FRMD4B: variants seen among roughly 807,000 people sequenced by gnomAD.
FRMD4B encodes FERM domain containing 4B, also known as FERM domain-containing protein 4B.
FRMD4B carries 74 observed loss-of-function variants against 141.5 expected under a neutral mutation model. That is an observed-to-expected ratio of 0.52 (90% CI 0.43 to 0.63). The LOEUF (loss-of-function observed/expected upper bound fraction) is 0.63. FRMD4B is among the 30% of genes least tolerant of loss of function. FRMD4B has a pLI of 0.00. For synonymous variants in FRMD4B, 506 were observed against 467.9 expected (o/e 1.08, Z -1.05); for missense variants, 1,366 against 1,253.4 (o/e 1.09, Z -1.36).
Position 69,249,239 on chromosome 3 carries a change from C to T in FRMD4B, c.568G>A (p.Gly190Arg). 6.3e-7 allele frequency: 1 copy of T among 1,575,562 alleles called. No individual in the cohort carries two copies. The highest frequency in any genetic ancestry group is 1.1e-5 in the South Asian group (1 of 88,392). ...GAAAAGCATTACCTGGTATAATCTC[C>T]CTTGGCTTCCTAAAAACAACAAACA... The part of the protein sequence containing the change: ...LAAFILQEAK[G>R]DYTSDENARK... The change falls in exon 7 of 23, where the codon GGA (glycine) becomes AGA (arginine). Residue 190 changes from glycine (G) to arginine (R), a missense_variant. Physicochemically the swap from Gly to Arg is moderately radical, Grantham distance 125 (BLOSUM62 -2). Transcript: ENST00000398540.
At chr3:69,231,507 C>T (rs903381738) in intron 7 of FRMD4B, among the ~76,000 whole-genome samples, 4 of 152,230 alleles carry the variant, frequency 2.6e-5, no homozygotes, top group South Asian at 2.1e-4. Flanking sequence ...AGGCTGTTCT[C>T]GAACTCGTGA....
intron 1 of FRMD4B, among the ~76,000 whole-genome samples, chr3:69,470,491 A>T (rs1411952473): frequency 3.3e-5 from 5 of 151,162 alleles, no homozygotes; most frequent in Non-Finnish European, 5.9e-5. Context: ...TCCAAAGAAC[A>T]AAGAGAAGTA....
intron 4 of FRMD4B, among the ~76,000 whole-genome samples, chr3:69,298,079 C>G (rs908503968): frequency 6.6e-6 from 1 of 152,314 alleles, no homozygotes; most frequent in Non-Finnish European, 1.5e-5. Flanking sequence ...CCCTTCAAAT[C>G]TGTAGGACCT....
intron 4 of FRMD4B, among the ~76,000 whole-genome samples, chr3:69,294,042 C>G (rs1481380874): frequency 1.3e-5 from 2 of 152,124 alleles, no homozygotes; most frequent in Non-Finnish European, 2.9e-5. Flanking sequence ...CTCAACTGAG[C>G]ATGGTTTCTT....
At chr3:69,228,311 ACT>A (rs2093273790) in intron 7 of FRMD4B, 1 of 456,508 alleles carries the variant, frequency 2.2e-6, no homozygotes, top group Non-Finnish European at 4.4e-6. Flanking sequence ...CTCTTATGTC[ACT>A]CTGAATATTA....
intron 11 of FRMD4B, among the ~76,000 whole-genome samples, chr3:69,215,119 AC>A (rs151066448): frequency 1.2e-3 from 176 of 151,050 alleles, no homozygotes; most frequent in Non-Finnish European, 2.1e-3. Flanking sequence ...AGCTCAGGCA[AC>A]CCACCCGACT....
chr3:69,196,070 A>T (rs529325870), intron 14 of FRMD4B, among the ~76,000 whole-genome samples, 185 bp downstream of exon 14: 1 of 152,280 alleles, frequency 6.6e-6, no homozygotes, highest in Admixed American at 6.5e-5. Context: ...TTATAATTTG[A>T]CTTTCTACAT....
At chr3:69,399,328 G>A (rs539228740) in intron 2 of FRMD4B, among the ~76,000 whole-genome samples, 13 of 152,306 alleles carry the variant, frequency 8.5e-5, no homozygotes, top group African/African-American at 3.1e-4. Context: ...GTCCCCAGGT[G>A]AAACCCAGCC....
At chr3:69,221,677 G>A (rs1412167841) in intron 9 of FRMD4B, among the ~76,000 whole-genome samples, 181 bp downstream of exon 9, 1 of 152,100 alleles carries the variant, frequency 6.6e-6, no homozygotes, top group Non-Finnish European at 1.5e-5. Flanking sequence ...GACACTGGTA[G>A]GTATCTGAGT....
intron 1 of FRMD4B, among the ~76,000 whole-genome samples, chr3:69,317,754 C>CAAAAAAA (rs765280161): frequency 6.9e-4 from 36 of 52,526 alleles, no homozygotes; most frequent in Middle Eastern, 0.014. Flanking sequence ...GACACCAACT[C>CAAAAAAA]AAAAAAAAAA....
At chr3:69,356,962 A>C (rs1246250269) in intron 1 of FRMD4B, among the ~76,000 whole-genome samples, 1 of 152,174 alleles carries the variant, frequency 6.6e-6, no homozygotes, top group Admixed American at 6.5e-5. Flanking sequence ...ACAAAACTTT[A>C]TTTGCAAACA....
In FRMD4B at chr3:69,523,631, G is replaced by C. The variant is rs145029273; in HGVS notation, c.-129+18575C>G. Among the ~76,000 whole-genome samples the C allele has an allele frequency of 3.1e-3, 479 of 152,224 alleles. 5 individuals are homozygous for C. Among genetic ancestry groups the C allele is most frequent in the African/African-American group, 0.011 (451 of 41,522 alleles). ...CAGCTCCCAACAACAGCCCTTCCTA[G>C]AAGTGTCACAGAGCCATATTTAGCA... On this transcript the variant is annotated intron_variant, in intron 1 of 5. Transcript: ENST00000459638.
At chr3:69,514,373 C>T (rs1049490313) in intron 1 of FRMD4B, among the ~76,000 whole-genome samples, 2 of 151,880 alleles carry the variant, frequency 1.3e-5, no homozygotes, top group Non-Finnish European at 2.9e-5. Flanking sequence ...ACACTGAGAA[C>T]TACAAAACAT....
chr3:69,397,800 G>A (rs78463607), intron 2 of FRMD4B, among the ~76,000 whole-genome samples: 1,528 of 152,088 alleles, frequency 0.01, 20 homozygotes, highest in African/African-American at 0.035. Flanking sequence ...TTATAGTAAC[G>A]GTTGCACCAC....
chr3:69,367,060 C>T (rs570973462), intron 1 of FRMD4B, among the ~76,000 whole-genome samples: 1 of 152,196 alleles, frequency 6.6e-6, no homozygotes, highest in East Asian at 1.9e-4. Flanking sequence ...AGCCACCGTG[C>T]CAAGTGAACA....
intron 1 of FRMD4B, among the ~76,000 whole-genome samples, chr3:69,470,427 T>G (rs1575813663): frequency 1.3e-5 from 2 of 152,194 alleles, no homozygotes; most frequent in Non-Finnish European, 2.9e-5. Context: ...TTTTTTTTAA[T>G]TTAATGCTTT....
rs1575621294 is a variant in FRMD4B at position 69,218,331 on chromosome 3, A to G, written c.780T>C (p.Tyr260=). 2 of 1,496,124 alleles carry G rather than the reference A, an allele frequency of 1.3e-6. No homozygotes were observed. Among genetic ancestry groups the G allele is most frequent in the African/African-American group, 1.4e-5 (1 of 72,578 alleles). 92.7% of individuals were successfully genotyped at this position (1,496,124 alleles called of 1,614,324 possible). The stretch of plus-strand genomic sequence containing the variant: ...ATGTAAAATTACTTACCTTTACTGC[A>G]TAATAATGGACACCGTAAGTCGGTA... ...EALPTYGVHY[Y]AVKDKQGLPW... is the part of the protein sequence containing the mutation. Residue 260 remains tyrosine (Y), a synonymous_variant, in exon 10 of 23, where the codon TAT becomes TAC. Transcript: ENST00000398540.
In FRMD4B at chr3:69,343,586, T is replaced by G. The variant is rs1288626868; in HGVS notation, c.163-30069A>C. On this transcript the variant is annotated intron_variant, in intron 1 of 22. Coordinates refer to ENST00000398540, the MANE Select transcript of FRMD4B (RefSeq NM_015123.3). ...GTCTTAACAGTTTTTTGTTTTTTTTTTTTTTTTTTTTTAGACGGGGTCTCG... is the reference window on the plus strand; with the variant it reads ...GTCTTAACAGTTTTTTGTTTTTTTTGTTTTTTTTTTTTAGACGGGGTCTCG... Among the ~76,000 whole-genome samples the G allele has an allele frequency of 4.7e-5, 7 of 148,614 alleles. No individual in the cohort carries two copies. In the East Asian group the frequency reaches 9.8e-4, roughly 21 times the overall value.
intron 1 of FRMD4B, among the ~76,000 whole-genome samples, chr3:69,480,866 G>T (rs532818342): frequency 2.0e-5 from 3 of 152,358 alleles, no homozygotes; most frequent in African/African-American, 7.2e-5. Context: ...GCTCCACCCA[G>T]TTCGAGCTTC....
Sources: gnomAD v4.1 joint callset for allele counts (sites outside exome capture counted in the v4.1 genomes callset) on GRCh38, gnomAD v4.1.1 for gene constraint, MANE v1.5 for transcripts, NCBI Gene and HGNC (gene_info 2026-07-23, HGNC 2026-07-21) for gene names.